PDE11A: variants seen among roughly 807,000 people sequenced by gnomAD.
PDE11A encodes the protein dual 3',5'-cyclic-AMP and -GMP phosphodiesterase 11A.
A neutral mutation model predicts 100.5 loss-of-function variants in PDE11A; 100 were observed. That is an observed-to-expected ratio of 1.00 (90% CI 0.85 to 1.18). The LOEUF is 1.18. Among genes scored for constraint, PDE11A ranks in the 50% most tolerant of loss-of-function variants. The pLI, the probability that PDE11A is intolerant of heterozygous loss-of-function variation, is 0.00. For missense variants in PDE11A, 1,141 were observed against 1,152.6 expected, an observed-to-expected ratio of 0.99 and a Z score of 0.15; for synonymous variants, 381 against 420.8, an observed-to-expected ratio of 0.91 and a Z score of 1.16.
chr2:177,939,099 C>G (rs112894810), intron 2 of PDE11A, among the ~76,000 whole-genome samples: 2 of 152,086 alleles, frequency 1.3e-5, no homozygotes, highest in South Asian at 2.1e-4. Flanking sequence ...TTTTGTTATT[C>G]CAGCCCTAGC....
At chr2:177,916,926 A>AC (rs1376650480) in intron 2 of PDE11A, among the ~76,000 whole-genome samples, 1 of 71,934 alleles carries the variant, frequency 1.4e-5, no homozygotes, top group Non-Finnish European at 2.5e-5. Context: ...ACGCCCGGCT[A>AC]ATTTTTTTTT....
rs375524269 is a variant in PDE11A at position 177,625,740 on chromosome 2, A to G, written c.*3667T>C. The G allele has an allele frequency of 6.6e-6, 1 of 152,404 alleles. No individual in the cohort carries two copies. Among genetic ancestry groups the G allele is most frequent in the South Asian group, 2.1e-4 (1 of 4,830 alleles). 9.4% of individuals were successfully genotyped at this position (152,404 alleles called of 1,614,324 possible). On this transcript the variant is annotated 3_prime_UTR_variant, in exon 20 of 20. Coordinates refer to ENST00000286063, the MANE Select transcript of PDE11A (RefSeq NM_016953.4). ...AAACTTCCTTTCTCTTTTTTGGAAA[A>G]GCAGATTATATGGATAACTGCATAT...
At chr2:177,937,533 G>C (rs2085290570) in intron 2 of PDE11A, among the ~76,000 whole-genome samples, 1 of 151,982 alleles carries the variant, frequency 6.6e-6, no homozygotes, top group Admixed American at 6.5e-5. Flanking sequence ...TGGCCAGACT[G>C]GTCTCAAACT....
intron 2 of PDE11A, among the ~76,000 whole-genome samples, chr2:178,095,386 A>G (rs1448917771): frequency 6.6e-6 from 1 of 152,206 alleles, no homozygotes; most frequent in Non-Finnish European, 1.5e-5. Context: ...CTTTGACTTC[A>G]TGTCTCACAT....
intron 19 of PDE11A, among the ~76,000 whole-genome samples, chr2:177,658,044 C>T (rs2080416590): frequency 6.6e-6 from 1 of 152,156 alleles, no homozygotes; most frequent in African/African-American, 2.4e-5. Flanking sequence ...GTGGCCAGGG[C>T]TGGCACAAAG....
At position 177,624,894 on chromosome 2, in the gene PDE11A, GCCT is replaced by G. The variant is rs1265778073; in HGVS notation, c.*4510_*4512del. 1.3e-5 allele frequency: 2 copies of G among 152,164 alleles called. No individual in the cohort carries two copies. Among genetic ancestry groups the G allele is most frequent in the African/African-American group, 4.8e-5 (2 of 41,402 alleles). The allele number at this position is 152,164 out of a possible 1,614,324, so 9.4% of individuals were successfully genotyped here. ...AGACCAGTGTGGTCAGCATAGTGAGGCCTCGTCTTTACAAACAATACAAAATTT... is the reference window on the plus strand; with the variant it reads ...AGACCAGTGTGGTCAGCATAGTGAGGCGTCTTTACAAACAATACAAAATTT... On this transcript the variant is annotated 3_prime_UTR_variant, in exon 20 of 20. Transcript: ENST00000286063.
chr2:177,998,895 T>C, intron 2 of PDE11A: 2 of 509,400 alleles, frequency 3.9e-6, no homozygotes. Flanking sequence ...CTTTAAAGTG[T>C]AAAACAATGG....
At chr2:177,934,446 C>T (rs1194481292) in intron 2 of PDE11A, among the ~76,000 whole-genome samples, 1 of 152,184 alleles carries the variant, frequency 6.6e-6, no homozygotes, top group African/African-American at 2.4e-5. Context: ...TACCATCTCA[C>T]AGCAGTCAAA....
intron 12 of PDE11A, among the ~76,000 whole-genome samples, chr2:177,716,871 C>T (rs2105433285): frequency 6.6e-6 from 1 of 151,928 alleles, no homozygotes; most frequent in East Asian, 1.9e-4. Context: ...GATCAAAATC[C>T]CCAGCCATTT....
At chr2:177,918,175 G>A (rs920185380) in intron 2 of PDE11A, among the ~76,000 whole-genome samples, 8 of 152,166 alleles carry the variant, frequency 5.3e-5, no homozygotes, top group Non-Finnish European at 8.8e-5. Context: ...AATAGCAGAG[G>A]GGAAACTGTC....
At chr2:177,957,929 C>A (rs2085586166) in intron 2 of PDE11A, among the ~76,000 whole-genome samples, 2 of 22,648 alleles carry the variant, frequency 8.8e-5, no homozygotes, top group Non-Finnish European at 8.9e-5. Context: ...GAGACGGAGT[C>A]TCTTGCTGTT....
At chr2:177,914,682 C>T (rs2084927719) in intron 2 of PDE11A, among the ~76,000 whole-genome samples, 1 of 152,130 alleles carries the variant, frequency 6.6e-6, no homozygotes, top group Non-Finnish European at 1.5e-5. Context: ...GTCAAGGTAT[C>T]AACACCCTGA....
chr2:177,939,959 G>A (rs34567061), intron 2 of PDE11A, among the ~76,000 whole-genome samples: 11,856 of 152,226 alleles, frequency 0.078, 472 homozygotes, highest in South Asian at 0.11. Flanking sequence ...TTAAATTATC[G>A]TTAATTTTTA....
At chr2:177,660,849 C>T (rs144875104) in intron 19 of PDE11A, among the ~76,000 whole-genome samples, 2 of 152,352 alleles carry the variant, frequency 1.3e-5, no homozygotes, top group Admixed American at 6.5e-5. Flanking sequence ...TAAAACTGAA[C>T]TACCCAGTGA....
chr2:177,651,758 A>T (rs2080312429), intron 19 of PDE11A, among the ~76,000 whole-genome samples: 2 of 152,158 alleles, frequency 1.3e-5, no homozygotes. Context: ...TGATATATTG[A>T]ATCAAAGACT....
chr2:177,636,716 T>C (rs958613552), intron 19 of PDE11A, among the ~76,000 whole-genome samples: 1 of 152,224 alleles, frequency 6.6e-6, no homozygotes, highest in Admixed American at 6.5e-5. Flanking sequence ...GGTTAGATAA[T>C]TCTTTATGGT....
chr2:178,038,217 A>C (rs2086641277), intron 1 of PDE11A, among the ~76,000 whole-genome samples: 1 of 152,144 alleles, frequency 6.6e-6, no homozygotes, highest in South Asian at 2.1e-4. Context: ...GCCACAATCA[A>C]GATATGAATA....
upstream of PDE11A, among the ~76,000 whole-genome samples, chr2:178,076,869 A>G (rs1445991524): frequency 6.6e-6 from 1 of 152,140 alleles, no homozygotes; most frequent in Non-Finnish European, 1.5e-5. Flanking sequence ...CCTCTCATAC[A>G]TATCTAGGGC....
intron 2 of PDE11A, among the ~76,000 whole-genome samples, chr2:177,966,548 G>GTT (rs71410780): frequency 5.3e-5 from 8 of 150,802 alleles, no homozygotes; most frequent in Admixed American, 2.0e-4. Context: ...TATAGAGGGT[G>GTT]TTTTTTTTTA....
Sources: gnomAD v4.1 joint callset for allele counts (sites outside exome capture counted in the v4.1 genomes callset) on GRCh38, gnomAD v4.1.1 for gene constraint, MANE v1.5 for transcripts, NCBI Gene and HGNC (gene_info 2026-07-23, HGNC 2026-07-21) for gene names.